The following HSPG2 variants were observed in gnomAD, a reference collection of about 807,000 sequenced individuals.
HSPG2 encodes the protein heparan sulfate proteoglycan 2, also known as basement membrane-specific heparan sulfate proteoglycan core protein.
Under a neutral mutation model 526.6 loss-of-function variants are expected in HSPG2, and 278 were observed. That is an observed-to-expected ratio of 0.53 (90% CI 0.48 to 0.58). HSPG2 has a LOEUF of 0.58. Among genes scored for constraint, HSPG2 ranks in the 20% least tolerant of loss-of-function variants. The pLI is 0.00. For missense variants in HSPG2, 5,354 were observed against 6,099.5 expected, an observed-to-expected ratio of 0.88 and a Z score of 4.07; for synonymous variants, 2,465 against 2,555.4, an observed-to-expected ratio of 0.96 and a Z score of 1.07.
intron 62 of HSPG2, 69 bp from the exon 63 acceptor site, chr1:21,846,668 T>A (rs1159089811): frequency 3.2e-6 from 5 of 1,566,606 alleles, no homozygotes; most frequent in East Asian, 4.5e-5. Flanking sequence ...GGTGGGACCC[T>A]CTGCCATAGA....
chr1:21,822,592 G>A lies in HSPG2; in HGVS notation c.*724C>T, dbSNP rs2097954741. 1 of 278,604 alleles carries A rather than the reference G, an allele frequency of 3.6e-6. No individual in the cohort carries two copies. The allele number at this position is 278,604 out of a possible 1,614,324, so 17.3% of individuals were successfully genotyped here. ...GGGCCCGGTGGGCGGGGCCCTATCA[G>A]TGCTGGGCTCTGCCTGTAGCAGCTC... is the stretch of plus-strand genomic sequence containing the variant. On this transcript the variant is annotated 3_prime_UTR_variant, in exon 97 of 97. Coordinates refer to ENST00000374695, the MANE Select transcript of HSPG2 (RefSeq NM_005529.7).
At position 21,864,903 on chromosome 1, in the gene HSPG2, G is replaced by A; in HGVS notation, c.4566C>T (p.Pro1522=). The change falls in exon 36 of 97, where the codon CCC becomes CCT. Residue 1522 remains proline, a synonymous_variant. Coordinates refer to ENST00000374695, the MANE Select transcript of HSPG2 (RefSeq NM_005529.7). The surrounding 1 kb of genome is among the most constrained non-coding windows in gnomAD (Gnocchi z 4.8). ...GGCACTCCTCCACCTCGAGGGCGCG[G>A]GGTCTGTTTGAGGGCCCCGGCTGGG... ...EVAQPGPSNR[P]RALEVEECRC... 1 of 1,610,234 alleles carries A rather than the reference G, an allele frequency of 6.2e-7. No homozygotes were observed. Among genetic ancestry groups the A allele is most frequent in the South Asian group, 1.1e-5 (1 of 90,688 alleles).
intron 95 of HSPG2, 193 bp downstream of exon 95, chr1:21,823,928 G>A: frequency 1.4e-6 from 1 of 737,502 alleles, no homozygotes; most frequent in Non-Finnish European, 2.3e-6. Flanking sequence ...CCACTCCTGG[G>A]GCACTCGCCT....
At chr1:21,857,223 G>A in intron 43 of HSPG2, 28 bp from the exon 44 acceptor site, 1 of 1,613,872 alleles carries the variant, frequency 6.2e-7, no homozygotes, top group Non-Finnish European at 8.5e-7. Context: ...AGGGGGTCAT[G>A]GGTGGGGCTC....
chr1:21,924,295 C>T (rs936134837), intron 1 of HSPG2, among the ~76,000 whole-genome samples: 1 of 152,204 alleles, frequency 6.6e-6, no homozygotes. Context: ...CCCTACTCTC[C>T]GGATGCCTTG....
At chr1:21,877,435 A>G (rs1641163869) in intron 21 of HSPG2, 1 of 152,408 alleles carries the variant, frequency 6.6e-6, no homozygotes, top group Non-Finnish European at 1.5e-5. Context: ...ATTTAAGACC[A>G]GGAGTGCCTG....
In HSPG2 at chr1:21,864,151, A is replaced by C; in HGVS notation, c.4689T>G (p.Cys1563Trp). 3.2e-6 allele frequency: 5 copies of C among 1,557,366 alleles called. No individual in the cohort carries two copies. The highest frequency in any genetic ancestry group is 4.3e-6 in the Non-Finnish European group (5 of 1,150,402). The part of the protein sequence containing the change: ...SGLYLGHCEL[C>W]ECNGHSDLCH... ...ACAGGTCTGAGTGGCCATTGCATTC[A>C]CATAGCTCGCAGTGGCCGAGGTAGA... The change falls in exon 37 of 97, where the codon TGT becomes TGG. Residue 1563 changes from cysteine (C) to tryptophan (W), a missense_variant. By Grantham distance (215) the Cys-to-Trp change is radical (BLOSUM62 -2). Coordinates refer to ENST00000374695, the MANE Select transcript of HSPG2 (RefSeq NM_005529.7). This position sits in a 1 kb window ranked among gnomAD's most constrained non-coding sequence, Gnocchi z 4.8.
In HSPG2 at chr1:21,895,525, T is replaced by C. The variant is rs1293046579; in HGVS notation, c.244+397A>G. On this transcript the variant is annotated intron_variant, in intron 3 of 96. Transcript: ENST00000374695. The surrounding 1 kb of genome is among the most constrained non-coding windows in gnomAD (Gnocchi z 4.1). ...AATGCCCGATTCCACAGAGCCCCTCTGTTCCACTTGTCTTTGCCTGGGATC... is the reference window on the plus strand; with the variant it reads ...AATGCCCGATTCCACAGAGCCCCTCCGTTCCACTTGTCTTTGCCTGGGATC... Among the ~76,000 whole-genome samples, 3 of 152,208 alleles carry C rather than the reference T, an allele frequency of 2.0e-5. No individual in the cohort carries two copies. Among genetic ancestry groups the C allele is most frequent in the African/African-American group, 7.2e-5 (3 of 41,462 alleles).
At chr1:21,829,262 A>C in intron 87 of HSPG2, 121 bp downstream of exon 87, 2 of 1,363,398 alleles carry the variant, frequency 1.5e-6, no homozygotes, top group Non-Finnish European at 2.1e-6. Context: ...CGAAATGCAC[A>C]GGAAGAGGGG....
At chr1:21,877,395 A>G (rs1019959182) in intron 21 of HSPG2, 1 of 152,864 alleles carries the variant, frequency 6.5e-6, no homozygotes, top group Non-Finnish European at 1.5e-5. Context: ...GACTTGCACA[A>G]AGTTACTCAG....
chr1:21,880,900 G>A, intron 14 of HSPG2, 65 bp from the exon 15 acceptor site: 2 of 1,462,666 alleles, frequency 1.4e-6, no homozygotes, highest in Admixed American at 3.9e-5. Context: ...TGCCTATGAG[G>A]TGCCTATAGT....
intron 1 of HSPG2, among the ~76,000 whole-genome samples, chr1:21,910,734 G>T (rs1271940918): frequency 1.3e-5 from 2 of 152,096 alleles, no homozygotes; most frequent in South Asian, 2.1e-4. Context: ...CACCCAGAAT[G>T]CCAGGCACAC....
intron 55 of HSPG2, 122 bp downstream of exon 55, chr1:21,851,424 C>A: frequency 7.1e-7 from 1 of 1,398,944 alleles, no homozygotes; most frequent in Non-Finnish European, 1.0e-6. Context: ...CTGCACTATA[C>A]ATCTGTGCAA....
chr1:21,856,911 C>T (rs914520520), intron 44 of HSPG2, 104 bp downstream of exon 44: 3 of 1,218,568 alleles, frequency 2.5e-6, no homozygotes, highest in Non-Finnish European at 3.7e-6. Context: ...AGGCATGCAG[C>T]AGGTGCTCAG....
At chr1:21,857,498 G>C in intron 42 of HSPG2, 113 bp from the exon 43 acceptor site, 4 of 956,906 alleles carry the variant, frequency 4.2e-6, no homozygotes, top group Non-Finnish European at 6.5e-6. Flanking sequence ...GTCCAGCCTA[G>C]CTCTCATTCT....
chr1:21,895,860 C>G lies in HSPG2; in HGVS notation c.244+62G>C. 1 of 1,531,172 alleles carries G rather than the reference C, an allele frequency of 6.5e-7. No individual in the cohort carries two copies. Among genetic ancestry groups the G allele is most frequent in the Non-Finnish European group, 9.0e-7 (1 of 1,105,620 alleles). The allele number at this position is 1,531,172 out of a possible 1,614,324, so 94.8% of individuals were successfully genotyped here. A position where few individuals can be genotyped will look rare whatever the true frequency, so the allele number is the denominator to read the frequency against. ...CCCAAGGAGCCCTCAGCCCAGGAGA[C>G]TGGCTCTGGGGCTTCCCTGGGGGAC... On this transcript the variant is annotated intron_variant, in intron 3 of 96. Coordinates refer to ENST00000374695, the MANE Select transcript of HSPG2 (RefSeq NM_005529.7). The surrounding 1 kb of genome is among the most constrained non-coding windows in gnomAD (Gnocchi z 4.1).
chr1:21,864,041 G>T lies in HSPG2; in HGVS notation c.4740+59C>A. The T allele has an allele frequency of 7.6e-7, 1 of 1,313,566 alleles. No homozygotes were observed. The highest frequency in any genetic ancestry group is 1.3e-5 in the South Asian group (1 of 79,190). 81.4% of individuals were successfully genotyped at this position (1,313,566 alleles called of 1,614,324 possible). A position where few individuals can be genotyped will look rare whatever the true frequency, so the allele number is the denominator to read the frequency against. On this transcript the variant is annotated intron_variant, in intron 37 of 96. Coordinates refer to ENST00000374695, the MANE Select transcript of HSPG2 (RefSeq NM_005529.7). The surrounding 1 kb of genome is among the most constrained non-coding windows in gnomAD (Gnocchi z 4.8). Reference sequence around the variant, plus strand: ...ATTGATGCCTGCCTTGTCCAGCCCTGGTCCCCCACCCAGGCCCAGCTGAGC... The same window carrying T: ...ATTGATGCCTGCCTTGTCCAGCCCTTGTCCCCCACCCAGGCCCAGCTGAGC...
rs745892835 is a variant in HSPG2 at position 21,857,107 on chromosome 1, C to T, written c.5483G>A (p.Arg1828His). The T allele has an allele frequency of 1.4e-5, 23 of 1,614,000 alleles. No individual in the cohort carries two copies. In the East Asian group the frequency reaches 2.5e-4, roughly 17 times the overall value. ...AMDFNGILTI[R>H]NVQLSDAGTY... ...GCCTGCATCACTCAGCTGGACGTTG[C>T]GAATGGTCAGGATGCCATTGAAATC... is the stretch of plus-strand genomic sequence containing the variant. The change falls in exon 44 of 97, where the codon CGC becomes CAC. Residue 1828 changes from arginine to histidine, a missense_variant. By Grantham distance (29) the Arg-to-His change is conservative. Transcript: ENST00000374695.
chr1:21,841,495 G>C (rs2270697), intron 70 of HSPG2, 44 bp downstream of exon 70: 2 of 1,612,452 alleles, frequency 1.2e-6, no homozygotes, highest in African/African-American at 1.3e-5. Context: ...TGAGAATCAG[G>C]GCTGGAAACA....
Sources: allele counts gnomAD v4.1 joint callset (sites outside exome capture counted in the v4.1 genomes callset), GRCh38; gene constraint gnomAD v4.1.1; non-coding constraint Gnocchi (gnomAD v3.1); transcripts MANE v1.5; gene names NCBI Gene and HGNC (gene_info 2026-07-23, HGNC 2026-07-21).